The following UROC1 variants were observed in gnomAD, a reference collection of about 807,000 sequenced individuals.
UROC1 encodes urocanate hydratase.
Under a neutral mutation model 89.5 loss-of-function variants are expected in UROC1, and 79 were observed. The observed-to-expected ratio is 0.88, with a 90% CI of 0.74 to 1.06. The LOEUF is 1.06. UROC1 is among the 50% of genes least tolerant of loss of function. UROC1 has a pLI of 0.00. For missense variants in UROC1, 885 were observed against 907.8 expected, an observed-to-expected ratio of 0.97 and a Z score of 0.32; for synonymous variants, 361 against 354.8, an observed-to-expected ratio of 1.02 and a Z score of -0.20.
intron 12 of UROC1, 97 bp downstream of exon 12, chr3:126,499,960 G>T: frequency 8.2e-7 from 1 of 1,215,600 alleles, no homozygotes; most frequent in South Asian, 1.2e-5. Context: ...GGCCACCCAT[G>T]GCACCTCCGA....
chr3:126,499,948 TG>T, intron 12 of UROC1, 108 bp downstream of exon 12: 2 of 1,116,314 alleles, frequency 1.8e-6, no homozygotes, highest in Non-Finnish European at 2.7e-6. Flanking sequence ...CAGGATTTGC[TG>T]GGCCACCCAT....
In UROC1 at chr3:126,509,602, C is replaced by A; in HGVS notation, c.334G>T (p.Asp112Tyr). The change falls in exon 3 of 20, where the codon GAT becomes TAT. Residue 112 changes from aspartate to tyrosine, a missense_variant. Asp to Tyr is a radical substitution (Grantham distance 160, BLOSUM62 -3). Transcript: ENST00000290868. ...GCTATTACCTGGGCCACGGCAGGATCCAGGTTGTTCATAATCATGTGCATG... is the reference window on the plus strand; with the variant it reads ...GCTATTACCTGGGCCACGGCAGGATACAGGTTGTTCATAATCATGTGCATG... ...AIMHMIMNNL[D>Y]PAVAQFPQEL... 1 of 1,551,950 alleles carries A rather than the reference C, an allele frequency of 6.4e-7. No individual in the cohort carries two copies. Among genetic ancestry groups the A allele is most frequent in the Non-Finnish European group, 8.7e-7 (1 of 1,147,128 alleles).
chr3:126,494,741 T>C (rs1935739011), intron 15 of UROC1, among the ~76,000 whole-genome samples: 1 of 152,154 alleles, frequency 6.6e-6, no homozygotes, highest in Non-Finnish European at 1.5e-5. Flanking sequence ...GCCTCGATTG[T>C]CACATGGTTG....
intron 9 of UROC1, among the ~76,000 whole-genome samples, chr3:126,502,516 GTGTGTGTTA>G (rs1935955419): frequency 6.6e-6 from 1 of 151,644 alleles, no homozygotes; most frequent in Non-Finnish European, 1.5e-5. Context: ...GTGTATGCAT[GTGTGTGTTA>G]TGTCTGTATT....
chr3:126,499,815 T>C (rs895062774), intron 12 of UROC1, among the ~76,000 whole-genome samples: 3 of 152,230 alleles, frequency 2.0e-5, no homozygotes, highest in Non-Finnish European at 4.4e-5. Flanking sequence ...GTCTTGTACC[T>C]GCTCTCCGTA....
At chr3:126,515,458 C>T (rs1936282341) in intron 1 of UROC1, among the ~76,000 whole-genome samples, 1 of 145,220 alleles carries the variant, frequency 6.9e-6, no homozygotes, top group Non-Finnish European at 1.5e-5. Context: ...GTGCCCACCA[C>T]CTACCCTCTC....
intron 4 of UROC1, 55 bp downstream of exon 4, chr3:126,508,361 G>T: frequency 1.3e-6 from 2 of 1,563,672 alleles, no homozygotes; most frequent in South Asian, 2.2e-5. Flanking sequence ...TAGGCCAGAG[G>T]ACCAGACTAG....
intron 5 of UROC1, 30 bp downstream of exon 5, chr3:126,507,937 C>A: frequency 6.2e-7 from 1 of 1,613,664 alleles, no homozygotes; most frequent in Non-Finnish European, 8.5e-7. Context: ...GAGCCCTGGG[C>A]AGGTGCTGTG....
intron 18 of UROC1, among the ~76,000 whole-genome samples, chr3:126,487,466 A>C (rs1193612263): frequency 2.0e-5 from 3 of 152,240 alleles, no homozygotes; most frequent in Non-Finnish European, 1.5e-5. Context: ...CAAGGACACG[A>C]GGCCAAGCCA....
At chr3:126,502,322 G>C (rs1367772617) in intron 9 of UROC1, among the ~76,000 whole-genome samples, 1 of 151,500 alleles carries the variant, frequency 6.6e-6, no homozygotes, top group Non-Finnish European at 1.5e-5. Context: ...TTATGCATGT[G>C]TGCATGTGTG....
intron 1 of UROC1, 99 bp from the exon 2 acceptor site, chr3:126,510,893 C>T: frequency 6.6e-7 from 1 of 1,507,548 alleles, no homozygotes; most frequent in Non-Finnish European, 8.9e-7. Context: ...GGATTTGTCT[C>T]TGCTCCACTC....
intron 1 of UROC1, among the ~76,000 whole-genome samples, chr3:126,513,113 C>T (rs1936228679): frequency 6.6e-6 from 1 of 151,354 alleles, no homozygotes; most frequent in South Asian, 2.1e-4. Context: ...CAGCCTGCAA[C>T]GTTGTTCAGC....
chr3:126,495,182 C>A (rs1935749385), intron 15 of UROC1, among the ~76,000 whole-genome samples: 1 of 152,198 alleles, frequency 6.6e-6, no homozygotes, highest in African/African-American at 2.4e-5. Context: ...CACTTTCCCC[C>A]TCTACGTTTT....
intron 11 of UROC1, 110 bp downstream of exon 11, chr3:126,500,585 C>T: frequency 7.2e-7 from 1 of 1,394,260 alleles, no homozygotes; most frequent in African/African-American, 1.4e-5. Flanking sequence ...AGGTTAAGGT[C>T]TTGCCCAAGG....
intron 15 of UROC1, among the ~76,000 whole-genome samples, chr3:126,495,699 A>AT (rs1253498516): frequency 6.6e-6 from 1 of 152,060 alleles, no homozygotes; most frequent in Non-Finnish European, 1.5e-5. Context: ...GGGTAATTCT[A>AT]TTTTTGATTT....
At position 126,501,258 on chromosome 3, in the gene UROC1, C is replaced by T; in HGVS notation, c.925G>A (p.Val309Met). Residue 309 changes from valine (V) to methionine (M), a missense_variant, in exon 10 of 20, where the codon GTG becomes ATG. Physicochemically the swap from Val to Met is conservative, Grantham distance 21. Transcript: ENST00000290868. ...TTGCCATGGTAACCAAGGCTGAGCA[C>T]CTCCTTTTTTTTCCTTGCTTCCCTG... ...RLREARKKKEVLSLGYHGNVV... is the reference protein window; with the variant it reads ...RLREARKKKEMLSLGYHGNVV... 6.2e-7 allele frequency: 1 copy of T among 1,614,148 alleles called. No homozygotes were observed. The highest frequency in any genetic ancestry group is 8.5e-7 in the Non-Finnish European group (1 of 1,180,018).
At chr3:126,510,573 G>A (rs1576730425) in intron 2 of UROC1, 91 bp downstream of exon 2, 75 of 1,567,800 alleles carry the variant, frequency 4.8e-5, no homozygotes, top group Middle Eastern at 3.6e-4. Context: ...CCTCACTGCC[G>A]ACTCCCTCCT....
intron 1 of UROC1, 121 bp from the exon 2 acceptor site, chr3:126,510,915 G>T: frequency 7.0e-7 from 1 of 1,435,026 alleles, no homozygotes; most frequent in African/African-American, 1.4e-5. Flanking sequence ...GAAGCCTGTT[G>T]CCCACCCAGA....
chr3:126,499,340 A>G lies in UROC1; in HGVS notation c.1313T>C (p.Met438Thr). The G allele has an allele frequency of 6.2e-7, 1 of 1,610,786 alleles. No individual in the cohort carries two copies. Among genetic ancestry groups the G allele is most frequent in the South Asian group, 1.1e-5 (1 of 90,814 alleles). ...GTGGCAGCCGCCCATCACTCACCCC[A>G]TGATGTGCTGCACATAGGAAGGGTA... ...FRYPSYVQHI[M>T]GDIFSQGFGP... The change falls in exon 13 of 20, where the codon ATG becomes ACG. Residue 438 changes from methionine to threonine, a missense_variant. By Grantham distance (81) the Met-to-Thr change is moderately conservative. Coordinates refer to ENST00000290868, the MANE Select transcript of UROC1 (RefSeq NM_144639.3).
Sources: allele counts gnomAD v4.1 joint callset (sites outside exome capture counted in the v4.1 genomes callset), GRCh38; gene constraint gnomAD v4.1.1; transcripts MANE v1.5; gene names NCBI Gene and HGNC (gene_info 2026-07-23, HGNC 2026-07-21).